Variants in GCNT1 observed in about 807,000 individuals in gnomAD.
The protein encoded by GCNT1 is beta-1,3-galactosyl-O-glycosyl-glycoprotein beta-1,6-N-acetylglucosaminyltransferase.
In GCNT1, 16 loss-of-function variants were observed where a neutral mutation model predicts 26.2. The observed-to-expected ratio is 0.61, with a 90% CI of 0.41 to 0.93. The LOEUF is 0.93. Ranked by LOEUF, GCNT1 falls within the 40% of genes least tolerant of loss-of-function variation. The pLI is 0.00. For missense variants in GCNT1, 477 were observed against 526.7 expected, an observed-to-expected ratio of 0.91 and a Z score of 0.92; for synonymous variants, 183 against 190.8, an observed-to-expected ratio of 0.96 and a Z score of 0.34.
Position 76,498,935 on chromosome 9 carries a change from C to A in GCNT1, c.-289-1981C>A, listed in dbSNP as rs368725787. Among the ~76,000 whole-genome samples the A allele has an allele frequency of 3.9e-5, 6 of 151,990 alleles. No individual in the cohort carries two copies. The South Asian group carries it at 8.3e-4, about 21-fold the overall frequency. The stretch of plus-strand genomic sequence containing the variant: ...TATAAATTTGTCTGTATATATATAC[C>A]TTTACTGCTGCTTTCTATTTTTTCA... On this transcript the variant is annotated intron_variant, in intron 2 of 3. Coordinates refer to ENST00000376730, the MANE Select transcript of GCNT1 (RefSeq NM_001490.5).
At chr9:76,492,125 C>T (rs1479738258) in intron 2 of GCNT1, among the ~76,000 whole-genome samples, 1 of 152,172 alleles carries the variant, frequency 6.6e-6, no homozygotes, top group African/African-American at 2.4e-5. Flanking sequence ...CCTGCTCTGT[C>T]TGTGATGTAT....
At chr9:76,467,125 C>T (rs899837493) in intron 2 of GCNT1, among the ~76,000 whole-genome samples, 1 of 152,106 alleles carries the variant, frequency 6.6e-6, no homozygotes, top group Non-Finnish European at 1.5e-5. Flanking sequence ...TCACTGCAAC[C>T]TACGCCTCCC....
At chr9:76,479,074 C>T (rs1824341218) in intron 2 of GCNT1, among the ~76,000 whole-genome samples, 1 of 151,716 alleles carries the variant, frequency 6.6e-6, no homozygotes, top group Non-Finnish European at 1.5e-5. Flanking sequence ...GTTCTCATTG[C>T]TCAATTCTCA....
At chr9:76,438,300 A>G (rs1823436947), upstream of GCNT1, among the ~76,000 whole-genome samples, 1 of 152,226 alleles carries the variant, frequency 6.6e-6, no homozygotes, top group African/African-American at 2.4e-5. Context: ...TCCAGGTCAT[A>G]GGTAGATTTA....
chr9:76,502,432 C>T lies in GCNT1; in HGVS notation c.51C>T (p.Tyr17=). ...GACTTTTTTCTTATCCCACCAAATA[C>T]TACTTTATGGTTCTTGTTTTATCCC... ...RRRLFSYPTK[Y]YFMVLVLSLI... is the part of the protein sequence containing the mutation. Residue 17 remains tyrosine, a synonymous_variant, in exon 4 of 4, where the codon TAC becomes TAT. Coordinates refer to ENST00000376730, the MANE Select transcript of GCNT1 (RefSeq NM_001490.5). The T allele has an allele frequency of 6.2e-7, 1 of 1,613,514 alleles. No individual in the cohort carries two copies. The highest frequency in any genetic ancestry group is 8.5e-7 in the Non-Finnish European group (1 of 1,179,556).
chr9:76,398,098 G>A, the GCNT1 span, among the ~76,000 whole-genome samples: 5 of 152,102 alleles, frequency 3.3e-5, no homozygotes, highest in Admixed American at 3.3e-4. Context: ...CTGCCTGTAG[G>A]GAAAGAGTCC....
chr9:76,398,815 TAAAAGG>T, the GCNT1 span: 2 of 1,398,642 alleles, frequency 1.4e-6, no homozygotes, highest in East Asian at 2.3e-5. Flanking sequence ...AGTACATCTG[TAAAAGG>T]AAAAGTAATG....
the GCNT1 span, among the ~76,000 whole-genome samples, chr9:76,406,942 G>A: frequency 6.6e-6 from 1 of 151,988 alleles, no homozygotes; most frequent in Non-Finnish European, 1.5e-5. Flanking sequence ...TCAGGAGGCT[G>A]AGGTACCAGA....
chr9:76,459,451 C>G (rs938779174), intron 1 of GCNT1, 146 bp downstream of exon 1: 1 of 152,266 alleles, frequency 6.6e-6, no homozygotes, highest in Admixed American at 6.5e-5. Flanking sequence ...GAAGCAGAAC[C>G]GGGGTGCGCC....
Position 76,503,453 on chromosome 9 carries a change from T to TC in GCNT1, c.1072_1073insC (p.Tyr358SerfsTer3). On this transcript the variant is annotated frameshift_variant, in exon 4 of 4. Coordinates refer to ENST00000376730, the MANE Select transcript of GCNT1 (RefSeq NM_001490.5). LOFTEE classifies it high-confidence loss of function. ...AGTTGCCAGGTTTGTCAAGTGGCAGTACTTTGAGGGTGATGTTTCCAAGGG... is the reference window on the plus strand; with the variant it reads ...AGTTGCCAGGTTTGTCAAGTGGCAGTCACTTTGAGGGTGATGTTTCCAAGGG... 6.2e-7 allele frequency: 1 copy of TC among 1,614,114 alleles called. No homozygotes were observed. Among genetic ancestry groups the TC allele is most frequent in the Non-Finnish European group, 8.5e-7 (1 of 1,179,994 alleles).
At chr9:76,445,570 T>C (rs551707205) in intron 1 of GCNT1, among the ~76,000 whole-genome samples, 2 of 152,020 alleles carry the variant, frequency 1.3e-5, no homozygotes, top group Middle Eastern at 6.8e-3. Flanking sequence ...GTATTTCTTT[T>C]TTGGTAGAGA....
At position 76,434,187 on chromosome 9, in the gene GCNT1, G is replaced by A. The variant is rs79269138; in HGVS notation, n.38+14300G>A. Among the ~76,000 whole-genome samples, 411 of 152,230 alleles carry A rather than the reference G, an allele frequency of 2.7e-3. 1 individual carries two copies. Among genetic ancestry groups the A allele is most frequent in the African/African-American group, 9.6e-3 (399 of 41,538 alleles). On this transcript the variant is annotated intron_variant and non_coding_transcript_variant, in intron 1 of 3. Transcript: ENST00000488136. ...AGGGTTCAGTACTATTAAGGATTTC[G>A]AGTATCCACTGGGGGTCTTGGAACG...
chr9:76,452,581 T>C (rs1823689046), intron 1 of GCNT1, among the ~76,000 whole-genome samples: 1 of 152,106 alleles, frequency 6.6e-6, no homozygotes, highest in Non-Finnish European at 1.5e-5. Flanking sequence ...AGGTACATCT[T>C]ACACGGCTGG....
Position 76,504,658 on chromosome 9 carries a change from A to G in GCNT1, c.*990A>G. ...GCCCATGATGAGTTTAAAAACCAGC[A>G]TTGACACCATCCCCAAAATTAAGGC... On this transcript the variant is annotated 3_prime_UTR_variant, in exon 4 of 4. Transcript: ENST00000376730. The G allele has an allele frequency of 2.4e-6, 1 of 412,742 alleles. No homozygotes were observed. Among genetic ancestry groups the G allele is most frequent in the Non-Finnish European group, 4.4e-6 (1 of 226,070 alleles). 25.6% of individuals were successfully genotyped at this position (412,742 alleles called of 1,614,324 possible). A position where few individuals can be genotyped will look rare whatever the true frequency, so the allele number is the denominator to read the frequency against.
upstream of GCNT1, among the ~76,000 whole-genome samples, chr9:76,439,233 T>C (rs1823449723): frequency 6.8e-6 from 1 of 146,762 alleles, no homozygotes; most frequent in African/African-American, 2.5e-5. Flanking sequence ...CTTTTTTTTT[T>C]TTTTTTTTTT....
chr9:76,396,499 G>C, the GCNT1 span, among the ~76,000 whole-genome samples: 2,548 of 152,030 alleles, frequency 0.017, 70 homozygotes, highest in African/African-American at 0.058. Flanking sequence ...AGAAAAAAAA[G>C]AAGAAAGGGG....
chr9:76,497,690 T>C (rs1183824680), intron 2 of GCNT1, among the ~76,000 whole-genome samples: 1 of 152,154 alleles, frequency 6.6e-6, no homozygotes, highest in Admixed American at 6.6e-5. Context: ...TATTTGGATT[T>C]CGAGGTGACC....
chr9:76,449,490 C>A (rs974710941), intron 1 of GCNT1, among the ~76,000 whole-genome samples: 2 of 152,180 alleles, frequency 1.3e-5, no homozygotes, highest in African/African-American at 4.8e-5. Flanking sequence ...CCTAATTTCC[C>A]TTTGCAAAGG....
intron 2 of GCNT1, among the ~76,000 whole-genome samples, chr9:76,466,091 G>A (rs1196353202): frequency 6.6e-6 from 1 of 152,142 alleles, no homozygotes; most frequent in East Asian, 1.9e-4. Context: ...TGCATAAAAA[G>A]CACTCATCCA....
Sources: allele counts gnomAD v4.1 joint callset (sites outside exome capture counted in the v4.1 genomes callset), GRCh38; gene constraint gnomAD v4.1.1; transcripts MANE v1.5; gene names NCBI Gene and HGNC (gene_info 2026-07-23, HGNC 2026-07-21).